The following FYB2 variants were observed in gnomAD, a reference collection of about 807,000 sequenced individuals.
FYB2 encodes the protein FYN binding protein 2.
Under a neutral mutation model 94.1 loss-of-function variants are expected in FYB2, and 103 were observed. The ratio of observed to expected loss-of-function variants is 1.09; its 90% CI spans 0.93 to 1.29. FYB2 has a LOEUF of 1.29. FYB2 is among the 50% of genes most tolerant of loss of function. The pLI is 0.00. For missense variants in FYB2, 896 were observed against 841.5 expected, an observed-to-expected ratio of 1.06 and a Z score of -0.80; for synonymous variants, 293 against 287.9, an observed-to-expected ratio of 1.02 and a Z score of -0.18.
In FYB2 at chr1:56,746,159, A is replaced by T. The variant is rs191706549; in HGVS notation, c.1388-1893T>A. Among the ~76,000 whole-genome samples, 13 of 152,084 alleles carry T rather than the reference A, an allele frequency of 8.5e-5. No individual in the cohort carries two copies. The East Asian group carries it at 1.2e-3, about 14-fold the overall frequency. On this transcript the variant is annotated intron_variant, in intron 9 of 19. Coordinates refer to ENST00000343433, the MANE Select transcript of FYB2 (RefSeq NM_001004303.5). ...GTCCGTCTCCTCTGATCCGAAAGTAACCTCTGTGAGAAAAGGAATTTTTGC... is the reference window on the plus strand; with the variant it reads ...GTCCGTCTCCTCTGATCCGAAAGTATCCTCTGTGAGAAAAGGAATTTTTGC...
At chr1:56,790,450 T>C (rs1646234223) in intron 2 of FYB2, among the ~76,000 whole-genome samples, 1 of 152,230 alleles carries the variant, frequency 6.6e-6, no homozygotes, top group African/African-American at 2.4e-5. Flanking sequence ...TGCTAAGTAG[T>C]TTACATCCGT....
chr1:56,800,223 C>T (rs1166889297), intron 1 of FYB2, among the ~76,000 whole-genome samples: 1 of 152,146 alleles, frequency 6.6e-6, no homozygotes, highest in African/African-American at 2.4e-5. Context: ...CTGTCAAATC[C>T]TATCTAAGAT....
chr1:56,719,786 T>C, intron 19 of FYB2, 94 bp from the exon 20 acceptor site: 7 of 1,210,488 alleles, frequency 5.8e-6, no homozygotes, highest in South Asian at 4.1e-5. Flanking sequence ...TCTAGTTTAA[T>C]ATGTTTGTGT....
At chr1:56,811,428 T>A (rs1318627255) in intron 1 of FYB2, among the ~76,000 whole-genome samples, 1 of 152,180 alleles carries the variant, frequency 6.6e-6, no homozygotes, top group East Asian at 1.9e-4. Context: ...TACTTAGAAA[T>A]TCCAGGGGCT....
intron 5 of FYB2, among the ~76,000 whole-genome samples, chr1:56,764,982 A>C (rs1645587487): frequency 6.6e-6 from 1 of 152,186 alleles, no homozygotes; most frequent in Non-Finnish European, 1.5e-5. Flanking sequence ...TGTAATACTA[A>C]CTACCTCCTA....
intron 2 of FYB2, among the ~76,000 whole-genome samples, chr1:56,791,181 T>A (rs1002021538): frequency 6.6e-6 from 1 of 151,566 alleles, no homozygotes; most frequent in Non-Finnish European, 1.5e-5. Context: ...ATTCAACAAA[T>A]TTTTTTTTAG....
At chr1:56,748,622 T>C (rs1292844615) in intron 9 of FYB2, among the ~76,000 whole-genome samples, 1 of 151,974 alleles carries the variant, frequency 6.6e-6, no homozygotes, top group East Asian at 1.9e-4. Flanking sequence ...CTAGCTCTTC[T>C]AATTCTTTCA....
intron 5 of FYB2, among the ~76,000 whole-genome samples, chr1:56,764,175 A>T (rs898116559): frequency 1.3e-5 from 2 of 152,036 alleles, no homozygotes; most frequent in Non-Finnish European, 1.5e-5. Flanking sequence ...GTTGGCCTTG[A>T]ACTCCTGACC....
intron 2 of FYB2, among the ~76,000 whole-genome samples, chr1:56,790,971 A>G (rs1282290695): frequency 2.0e-5 from 3 of 152,186 alleles, no homozygotes; most frequent in Non-Finnish European, 4.4e-5. Context: ...AAGGAACAGC[A>G]AGAAATCTAG....
chr1:56,806,779 C>T (rs1646657514), intron 1 of FYB2, among the ~76,000 whole-genome samples: 1 of 151,738 alleles, frequency 6.6e-6, no homozygotes, highest in African/African-American at 2.4e-5. Context: ...GATATTGCTT[C>T]GATACTAAAA....
chr1:56,806,829 G>T (rs1413763917), intron 1 of FYB2, among the ~76,000 whole-genome samples: 3 of 152,080 alleles, frequency 2.0e-5, no homozygotes, highest in Non-Finnish European at 4.4e-5. Flanking sequence ...TGAGGGTAAG[G>T]GTTTCAGAGG....
chr1:56,757,460 G>A (rs1645360271), intron 6 of FYB2, among the ~76,000 whole-genome samples: 1 of 129,892 alleles, frequency 7.7e-6, no homozygotes, highest in Non-Finnish European at 1.7e-5. Context: ...CCTTCTATGA[G>A]CTTACACAGT....
chr1:56,719,886 T>C (rs546605176), intron 19 of FYB2, 136 bp downstream of exon 19: 18 of 1,045,798 alleles, frequency 1.7e-5, no homozygotes, highest in Admixed American at 2.8e-5. Context: ...ATAATCCTTA[T>C]AGAATAGGGC....
chr1:56,765,278 C>T (rs1265429313), intron 5 of FYB2, among the ~76,000 whole-genome samples: 1 of 152,196 alleles, frequency 6.6e-6, no homozygotes, highest in Non-Finnish European at 1.5e-5. Context: ...TCTACTAGGT[C>T]TCCTCTGACA....
intron 4 of FYB2, among the ~76,000 whole-genome samples, chr1:56,780,254 A>T (rs549715440): frequency 6.6e-6 from 1 of 152,290 alleles, no homozygotes; most frequent in East Asian, 1.9e-4. Flanking sequence ...ACTGAAGAGA[A>T]AAAGCAAGGC....
intron 8 of FYB2, among the ~76,000 whole-genome samples, chr1:56,753,380 C>G (rs1294802415): frequency 6.6e-6 from 1 of 152,080 alleles, no homozygotes; most frequent in Non-Finnish European, 1.5e-5. Context: ...ATTATTTTAT[C>G]ACCACAAACG....
At chr1:56,783,305 G>T (rs1337935352) in intron 4 of FYB2, among the ~76,000 whole-genome samples, 1 of 152,140 alleles carries the variant, frequency 6.6e-6, no homozygotes, top group Non-Finnish European at 1.5e-5. Context: ...TGGAAGAGGG[G>T]TTTAAATCTA....
chr1:56,741,103 C>T (rs1644942275), intron 12 of FYB2, among the ~76,000 whole-genome samples: 1 of 151,984 alleles, frequency 6.6e-6, no homozygotes, highest in South Asian at 2.1e-4. Flanking sequence ...GCACAGGTAC[C>T]TCTGAGTCCA....
chr1:56,800,474 AAAAT>A (rs1179966605), intron 1 of FYB2, among the ~76,000 whole-genome samples: 5 of 152,142 alleles, frequency 3.3e-5, no homozygotes, highest in Admixed American at 6.5e-5. Flanking sequence ...TAAAGGCAAA[AAAAT>A]AAATAAATTA....
Sources: gnomAD v4.1 joint callset for allele counts (sites outside exome capture counted in the v4.1 genomes callset) on GRCh38, gnomAD v4.1.1 for gene constraint, MANE v1.5 for transcripts, NCBI Gene and HGNC (gene_info 2026-07-23, HGNC 2026-07-21) for gene names.